CHLSN: variants seen among roughly 807,000 people sequenced by gnomAD.
CHLSN encodes the protein protein cholesin.
the CHLSN span, among the ~76,000 whole-genome samples, chr7:1,059,881 CCG>C: frequency 0.015 from 571 of 37,162 alleles, 19 homozygotes; most frequent in Middle Eastern, 0.088. Flanking sequence ...TGGGGCGGGT[CCG>C]TAGTGAGGCG....
the CHLSN span, among the ~76,000 whole-genome samples, chr7:1,005,234 T>C: frequency 6.6e-6 from 1 of 152,144 alleles, no homozygotes; most frequent in Non-Finnish European, 1.5e-5. Context: ...GAGGTTGCAG[T>C]GAGCCGAGAT....
chr7:1,019,175 T>C, the CHLSN span, among the ~76,000 whole-genome samples: 1 of 104,326 alleles, frequency 9.6e-6, no homozygotes, highest in African/African-American at 3.8e-5. Context: ...GCCTGGGCAA[T>C]AGAGTGAGAC....
the CHLSN span, among the ~76,000 whole-genome samples, chr7:1,012,668 G>A: frequency 6.6e-6 from 1 of 152,216 alleles, no homozygotes. Flanking sequence ...GACACTGGCC[G>A]GTGCACCTTT....
chr7:1,123,382 T>C, the CHLSN span, among the ~76,000 whole-genome samples: 3 of 152,144 alleles, frequency 2.0e-5, no homozygotes, highest in Non-Finnish European at 4.4e-5. This position sits in a 1 kb window ranked among gnomAD's most constrained non-coding sequence, Gnocchi z 4.4. Flanking sequence ...CAGACGGACG[T>C]TGCTGGGAGG....
At chr7:1,048,736 G>C in the CHLSN span, among the ~76,000 whole-genome samples, 1 of 152,156 alleles carries the variant, frequency 6.6e-6, no homozygotes, top group East Asian at 1.9e-4. Flanking sequence ...GCCTGACGGG[G>C]TCCTGTCGCC....
chr7:1,127,515 A>C, the CHLSN span: 1 of 949,038 alleles, frequency 1.1e-6, no homozygotes, highest in Non-Finnish European at 1.5e-6. Flanking sequence ...AAAACATATA[A>C]AAGTTAAAAT....
chr7:1,098,845 C>T, the CHLSN span, among the ~76,000 whole-genome samples: 1 of 152,202 alleles, frequency 6.6e-6, no homozygotes, highest in Non-Finnish European at 1.5e-5. Flanking sequence ...GGACGGGGAG[C>T]CACTGCTGAC....
chr7:1,096,159 C>T, the CHLSN span, among the ~76,000 whole-genome samples: 7 of 152,352 alleles, frequency 4.6e-5, no homozygotes, highest in Non-Finnish European at 7.3e-5. The surrounding 1 kb of genome is among the most constrained non-coding windows in gnomAD (Gnocchi z 4.6). Flanking sequence ...TGCGTGGAAG[C>T]GTCACGCCGC....
At chr7:1,091,088 C>A in the CHLSN span, among the ~76,000 whole-genome samples, 1 of 152,186 alleles carries the variant, frequency 6.6e-6, no homozygotes, top group Non-Finnish European at 1.5e-5. Context: ...CGTGCCCATA[C>A]CTTCATTGCT....
chr7:1,003,729 T>C, the CHLSN span, among the ~76,000 whole-genome samples: 36 of 67,818 alleles, frequency 5.3e-4, no homozygotes, highest in Admixed American at 8.9e-4. Flanking sequence ...GGGAGTCCTG[T>C]GGGTGAGTGG....
At chr7:1,009,838 C>G in the CHLSN span, 1 of 958,854 alleles carries the variant, frequency 1.0e-6, no homozygotes, top group Non-Finnish European at 1.5e-6. Context: ...ACGCTCATAC[C>G]TCACTGCTCT....
the CHLSN span, among the ~76,000 whole-genome samples, chr7:1,104,575 A>G: frequency 2.8e-4 from 43 of 152,224 alleles, no homozygotes; most frequent in Non-Finnish European, 2.1e-4. Flanking sequence ...CGAGGGGCCC[A>G]TGCAGCTTAC....
At chr7:1,087,904 T>C in the CHLSN span, among the ~76,000 whole-genome samples, 680 of 152,276 alleles carry the variant, frequency 4.5e-3, 5 homozygotes, top group African/African-American at 0.015. Flanking sequence ...TTTGTATCTG[T>C]GGGTGAAGAA....
chr7:1,023,038 C>G, the CHLSN span: 13 of 454,682 alleles, frequency 2.9e-5, no homozygotes, highest in Non-Finnish European at 4.9e-5. The surrounding 1 kb of genome is among the most constrained non-coding windows in gnomAD (Gnocchi z 5.0). Context: ...CCCTGCGGAG[C>G]ACAGGACGCT....
the CHLSN span, among the ~76,000 whole-genome samples, chr7:1,073,343 C>G: frequency 3.3e-5 from 5 of 152,240 alleles, no homozygotes; most frequent in Admixed American, 3.3e-4. Flanking sequence ...ATTCCACTCC[C>G]GTTTCGGAGA....
At chr7:1,048,479 AG>A in the CHLSN span, among the ~76,000 whole-genome samples, 1 of 151,962 alleles carries the variant, frequency 6.6e-6, no homozygotes, top group Non-Finnish European at 1.5e-5. Context: ...TCAGGTTGAG[AG>A]GGGTGGTCAC....
chr7:1,066,577 C>T, the CHLSN span, among the ~76,000 whole-genome samples: 4,224 of 152,300 alleles, frequency 0.028, 90 homozygotes, highest in East Asian at 0.064. Context: ...GAAGGGGGGA[C>T]GAGGGGTTCT....
chr7:1,063,434 T>TTCCCGTG, the CHLSN span, among the ~76,000 whole-genome samples: 8 of 152,348 alleles, frequency 5.3e-5, no homozygotes, highest in African/African-American at 1.9e-4. Flanking sequence ...GTGCGTCATT[T>TTCCCGTG]TCCCGTGTCC....
the CHLSN span, among the ~76,000 whole-genome samples, chr7:1,086,092 A>G: frequency 6.6e-6 from 1 of 152,354 alleles, no homozygotes; most frequent in South Asian, 2.1e-4. Flanking sequence ...GAAATCTAGG[A>G]GTATCGGCCA....
Sources: allele counts gnomAD v4.1 joint callset (sites outside exome capture counted in the v4.1 genomes callset), GRCh38; gene constraint gnomAD v4.1.1; non-coding constraint Gnocchi (gnomAD v3.1); transcripts MANE v1.5; gene names NCBI Gene and HGNC (gene_info 2026-07-23, HGNC 2026-07-21).